RARS1: variants seen among roughly 807,000 people sequenced by gnomAD.
RARS1 encodes arginyl-tRNA synthetase 1, also known as arginine--tRNA ligase, cytoplasmic.
RARS1 carries 75 observed loss-of-function variants against 78.7 expected under a neutral mutation model. The ratio of observed to expected loss-of-function variants is 0.95; its 90% CI spans 0.79 to 1.15. The LOEUF is 1.15. Among genes scored for constraint, RARS1 ranks in the 50% most tolerant of loss-of-function variants. RARS1 has a pLI of 0.00. For synonymous variants in RARS1, 273 were observed against 268.2 expected, an observed-to-expected ratio of 1.02 and a Z score of -0.18; for missense variants, 787 against 787.5, an observed-to-expected ratio of 1.00 and a Z score of 0.01.
chr5:168,493,656 A>G (rs1418553561), intron 3 of RARS1, among the ~76,000 whole-genome samples: 1 of 149,402 alleles, frequency 6.7e-6, no homozygotes, highest in Admixed American at 6.7e-5. Context: ...AAAAAAAAAT[A>G]GTTCCAGGTA....
Position 168,506,042 on chromosome 5 carries a change from G to T in RARS1, c.1079G>T (p.Gly360Val). The T allele has an allele frequency of 6.2e-7, 1 of 1,603,744 alleles. No individual in the cohort carries two copies. ...EDRGFVQVDDGRKIVFVPGCS... is the reference protein window; with the variant it reads ...EDRGFVQVDDVRKIVFVPGCS... Reference sequence around the variant, plus strand: ...CTAGGATTTGTGCAGGTGGATGATGGCAGAAAGATTGTATTTGTCCCAGGG... The same window carrying T: ...CTAGGATTTGTGCAGGTGGATGATGTCAGAAAGATTGTATTTGTCCCAGGG... Residue 360 changes from glycine to valine, a missense_variant, in exon 10 of 15, where the codon GGC becomes GTC. Transcript: ENST00000231572.
intron 14 of RARS1, among the ~76,000 whole-genome samples, 192 bp downstream of exon 14, chr5:168,518,254 A>C (rs918485278): frequency 1.3e-5 from 2 of 151,342 alleles, no homozygotes; most frequent in African/African-American, 4.9e-5. Context: ...CCCAGCTCCA[A>C]GTGTCTCATT....
chr5:168,490,914 A>G (rs1055171416), intron 2 of RARS1, among the ~76,000 whole-genome samples: 1 of 152,168 alleles, frequency 6.6e-6, no homozygotes, highest in Non-Finnish European at 1.5e-5. Flanking sequence ...AGGCAGGTGA[A>G]TTACCTGGAG....
At chr5:168,505,042 A>T (rs1293907547) in intron 9 of RARS1, among the ~76,000 whole-genome samples, 1 of 152,236 alleles carries the variant, frequency 6.6e-6, no homozygotes, top group East Asian at 1.9e-4. Context: ...ATGAGAAAAT[A>T]GGCACAGAGA....
At chr5:168,498,951 G>A (rs972452380) in intron 7 of RARS1, among the ~76,000 whole-genome samples, 3 of 152,006 alleles carry the variant, frequency 2.0e-5, no homozygotes, top group Non-Finnish European at 4.4e-5. Flanking sequence ...TACAGCCTGG[G>A]CAACAGAGTG....
chr5:168,498,562 G>A (rs1758249196), intron 7 of RARS1, among the ~76,000 whole-genome samples: 1 of 151,966 alleles, frequency 6.6e-6, no homozygotes, highest in African/African-American at 2.4e-5. Context: ...ACATTTTGTT[G>A]GATCAGTGTA....
At chr5:168,517,020 C>A in intron 13 of RARS1, 70 bp downstream of exon 13, 5 of 1,167,832 alleles carry the variant, frequency 4.3e-6, no homozygotes, top group Non-Finnish European at 4.7e-6. Context: ...AAAATATTTT[C>A]TTTTTTTTTT....
intron 2 of RARS1, among the ~76,000 whole-genome samples, chr5:168,490,322 T>C (rs1582426360): frequency 2.0e-5 from 3 of 152,236 alleles, no homozygotes; most frequent in Admixed American, 1.3e-4. Context: ...AAAAGTATTA[T>C]TAAATGTCTA....
intron 10 of RARS1, among the ~76,000 whole-genome samples, 177 bp downstream of exon 10, chr5:168,506,376 C>G (rs1228079314): frequency 6.6e-6 from 1 of 152,146 alleles, no homozygotes; most frequent in Non-Finnish European, 1.5e-5. Flanking sequence ...CTGGACACTT[C>G]CTAGTTTTCC....
At position 168,517,867 on chromosome 5, in the gene RARS1, C is replaced by A; in HGVS notation, c.1678C>A (p.Arg560=). The change falls in exon 14 of 15, where the codon CGA becomes AGA. Residue 560 remains arginine, a synonymous_variant. Coordinates refer to ENST00000231572, the MANE Select transcript of RARS1 (RefSeq NM_002887.4). ...TGAAGAAATGCTCCAAAAAGCTGCT[C>A]GAGAAACCAAGATTCTTTTGGATCA... ...IDEEMLQKAA[R]ETKILLDHEK... is the part of the protein sequence containing the mutation. 1 of 1,613,430 alleles carries A rather than the reference C, an allele frequency of 6.2e-7. No individual in the cohort carries two copies. Among genetic ancestry groups the A allele is most frequent in the South Asian group, 1.1e-5 (1 of 91,040 alleles).
At position 168,517,954 on chromosome 5, in the gene RARS1, T is replaced by A. The variant is rs1758705525; in HGVS notation, c.1765T>A (p.Leu589Ile). The A allele has an allele frequency of 6.2e-7, 1 of 1,613,930 alleles. No homozygotes were observed. The highest frequency in any genetic ancestry group is 8.5e-7 in the Non-Finnish European group (1 of 1,179,978). The change falls in exon 14 of 15, where the codon TTA (leucine) becomes ATA (isoleucine). Residue 589 changes from leucine to isoleucine, a missense_variant. Physicochemically the swap from Leu to Ile is conservative, Grantham distance 5 (BLOSUM62 2). Coordinates refer to ENST00000231572, the MANE Select transcript of RARS1 (RefSeq NM_002887.4). ...LRFPEILQKI[L>I]DDLFLHTLCD... is the part of the protein sequence containing the mutation. ...GTTCCCTGAGATTCTGCAAAAGATT[T>A]TAGATGACTTATTTCTCCACACTCT...
chr5:168,504,643 G>C (rs1359759515), intron 9 of RARS1, among the ~76,000 whole-genome samples: 1 of 151,918 alleles, frequency 6.6e-6, no homozygotes, highest in Admixed American at 6.6e-5. Flanking sequence ...GGCTAACACG[G>C]TGAAACCCCG....
rs74537477 is a variant in RARS1 at position 168,512,331 on chromosome 5, G to A, written c.1452+1645G>A. Among the ~76,000 whole-genome samples the A allele has an allele frequency of 4.0e-3, 605 of 152,002 alleles. 3 individuals are homozygous for A. Among genetic ancestry groups the A allele is most frequent in the African/African-American group, 0.014 (570 of 41,452 alleles). On this transcript the variant is annotated intron_variant, in intron 12 of 14. Transcript: ENST00000231572. The stretch of plus-strand genomic sequence containing the variant: ...TAGAGGTACATGTGCTTTTTCTTTC[G>A]GATATATATCTAGGAATGGCATTGC...
chr5:168,504,774 G>A (rs1012330394), intron 9 of RARS1, among the ~76,000 whole-genome samples: 2 of 151,860 alleles, frequency 1.3e-5, no homozygotes, highest in Non-Finnish European at 2.9e-5. Flanking sequence ...GCAGTGAGCC[G>A]AGATCGCACC....
At chr5:168,496,989 G>A (rs113646872) in intron 6 of RARS1, 13 of 342,864 alleles carry the variant, frequency 3.8e-5, no homozygotes, top group Admixed American at 1.9e-4. Flanking sequence ...AATTCTGGAT[G>A]CCTGCCTTGT....
chr5:168,516,709 T>G lies in RARS1; in HGVS notation c.1453-69T>G, dbSNP rs970386820. 5.4e-6 allele frequency: 8 copies of G among 1,491,738 alleles called. No individual in the cohort carries two copies. In the East Asian group the frequency reaches 1.6e-4, roughly 30 times the overall value. 92.4% of individuals were successfully genotyped at this position (1,491,738 alleles called of 1,614,324 possible). A position where few individuals can be genotyped will look rare whatever the true frequency, so the allele number is the denominator to read the frequency against. The stretch of plus-strand genomic sequence containing the variant: ...TTAGATGTTCCCTACCCCAGTCTTA[T>G]GCCTATGAGACACCAGGGCAGAAGC... On this transcript the variant is annotated intron_variant, in intron 12 of 14. Transcript: ENST00000231572.
chr5:168,506,177 T>A lies in RARS1; in HGVS notation c.1214T>A (p.Ile405Asn), dbSNP rs1411850778. The A allele has an allele frequency of 3.2e-6, 5 of 1,580,146 alleles. No homozygotes were observed. Among genetic ancestry groups the A allele is most frequent in the Non-Finnish European group, 4.3e-6 (5 of 1,163,030 alleles). Reference protein sequence around the residue: ...RLFEEKADMIIYVVDNGQSVH... With the variant: ...RLFEEKADMINYVVDNGQSVH... ...TTTGAGGAAAAAGCAGATATGATTA[T>A]CTATGTTGTGGACAATGGACAAGTG... is the stretch of plus-strand genomic sequence containing the variant. The change falls in exon 10 of 15, where the codon ATC becomes AAC. Residue 405 changes from isoleucine (I) to asparagine (N), a missense_variant. Physicochemically the swap from Ile to Asn is moderately radical, Grantham distance 149. Transcript: ENST00000231572.
At chr5:168,502,518 A>C (rs1418449026) in intron 9 of RARS1, among the ~76,000 whole-genome samples, 1 of 148,246 alleles carries the variant, frequency 6.7e-6, no homozygotes, top group Non-Finnish European at 1.5e-5. Context: ...GCCAATAATA[A>C]TTTCTTAATA....
Position 168,500,733 on chromosome 5 carries a change from G to T in RARS1, c.952+13G>T, listed in dbSNP as rs771491098. On this transcript the variant is annotated intron_variant, in intron 8 of 14. Transcript: ENST00000231572. ...GTCTCCCGCCAAGGTGAGTTTCTGGGCTTTGTTCCTTCGTCCAGCAAATAC... is the reference window on the plus strand; with the variant it reads ...GTCTCCCGCCAAGGTGAGTTTCTGGTCTTTGTTCCTTCGTCCAGCAAATAC... 12 of 1,606,218 alleles carry T rather than the reference G, an allele frequency of 7.5e-6. No homozygotes were observed. The highest frequency in any genetic ancestry group is 1.3e-5 in the African/African-American group (1 of 74,272).
Sources: allele counts gnomAD v4.1 joint callset (sites outside exome capture counted in the v4.1 genomes callset), GRCh38; gene constraint gnomAD v4.1.1; transcripts MANE v1.5; gene names NCBI Gene and HGNC (gene_info 2026-07-23, HGNC 2026-07-21).